Variants in TMEM114 observed in about 807,000 individuals in gnomAD.
TMEM114 encodes transmembrane protein 114, also known as claudin-26.
TMEM114 carries 6 observed loss-of-function variants against 6.2 expected under a neutral mutation model. The observed-to-expected ratio is 0.97, with a 90% CI of 0.53 to 1.91. TMEM114 has a LOEUF of 1.91. Ranked by LOEUF, TMEM114 falls within the 40% of genes most tolerant of loss-of-function variation. TMEM114 has a pLI of 0.01. For synonymous variants in TMEM114, 104 were observed against 73.0 expected, an observed-to-expected ratio of 1.42 and a Z score of -2.16; for missense variants, 218 against 158.3, an observed-to-expected ratio of 1.38 and a Z score of -2.02.
chr16:8,574,582 C>CTTCT (rs60193962), intron 2 of TMEM114, among the ~76,000 whole-genome samples: 1,608 of 142,546 alleles, frequency 0.011, 24 homozygotes, highest in African/African-American at 0.029. Context: ...TCCTTCCTTC[C>CTTCT]TTCTTTCTTT....
At chr16:8,553,610 C>G (rs1900913120) in intron 2 of TMEM114, among the ~76,000 whole-genome samples, 1 of 152,112 alleles carries the variant, frequency 6.6e-6, no homozygotes, top group Non-Finnish European at 1.5e-5. Flanking sequence ...CTCAGCCTCC[C>G]AAGTAGCTGG....
At chr16:8,528,895 T>G in the TMEM114 span, among the ~76,000 whole-genome samples, 5 of 152,200 alleles carry the variant, frequency 3.3e-5, no homozygotes, top group Non-Finnish European at 7.4e-5. Context: ...ATATTTTGCC[T>G]CTGGTCATTT....
At chr16:8,562,593 T>TGAGTGAATGAGTGAGTGAGG (rs1567202353) in intron 2 of TMEM114, among the ~76,000 whole-genome samples, 19 of 130,028 alleles carry the variant, frequency 1.5e-4, no homozygotes, top group Non-Finnish European at 1.8e-4. Flanking sequence ...AATAAGTAAG[T>TGAGTGAATGAGTGAGTGAGG]GAATGAGTGA....
intron 2 of TMEM114, among the ~76,000 whole-genome samples, chr16:8,579,810 A>G (rs534495430): frequency 2.6e-5 from 4 of 152,154 alleles, no homozygotes; most frequent in African/African-American, 9.7e-5. Context: ...CCAAGAGCCA[A>G]TGGCCATGAA....
rs1387594492 is a variant in TMEM114, at chr16:8,569,916, G to A, written c.529C>T (p.Leu177Phe). The change falls in exon 4 of 4, where the codon CTC (leucine) becomes TTC (phenylalanine). Residue 177 changes from leucine to phenylalanine, a missense_variant. Leu to Phe is a conservative substitution (Grantham distance 22). Coordinates refer to ENST00000620492, the MANE Select transcript of TMEM114 (RefSeq NM_001146336.2). Reference protein sequence around the residue: ...EALCLLEEKALLDQVDISFGW... With the variant: ...EALCLLEEKAFLDQVDISFGW... The stretch of plus-strand genomic sequence containing the variant: ...AAGCTGATGTCCACCTGGTCCAGGA[G>A]GGCCTTCTCCTCCAAGAGACACAGC... 1.9e-6 allele frequency: 3 copies of A among 1,551,082 alleles called. No individual in the cohort carries two copies. Among genetic ancestry groups the A allele is most frequent in the Non-Finnish European group, 2.6e-6 (3 of 1,146,972 alleles).
chr16:8,564,313 G>C (rs1312134060), intron 2 of TMEM114, among the ~76,000 whole-genome samples: 4 of 129,978 alleles, frequency 3.1e-5, no homozygotes, highest in African/African-American at 1.2e-4. Flanking sequence ...GATGAAATAA[G>C]TGAATGAGTG....
chr16:8,574,261 T>C (rs2141687700), intron 2 of TMEM114, among the ~76,000 whole-genome samples: 1 of 152,272 alleles, frequency 6.6e-6, no homozygotes, highest in South Asian at 2.1e-4. Flanking sequence ...CACAGAATTA[T>C]CATGAGAATA....
In TMEM114 at chr16:8,576,060, CG is replaced by C. The variant is rs1901915520; in HGVS notation, c.302-3837del. Among the ~76,000 whole-genome samples the C allele has an allele frequency of 4.6e-5, 7 of 152,258 alleles. No homozygotes were observed. The South Asian group carries it at 1.5e-3, about 32-fold the overall frequency. ...AATCTCTTGGAACTCCGACATCAGACGAGGTCATCTGAGACCACAATACAAT... is the reference window on the plus strand; with the variant it reads ...AATCTCTTGGAACTCCGACATCAGACAGGTCATCTGAGACCACAATACAAT... On this transcript the variant is annotated intron_variant, in intron 2 of 3. Transcript: ENST00000620492.
intron 2 of TMEM114, among the ~76,000 whole-genome samples, chr16:8,572,986 T>C (rs1030891250): frequency 2.0e-5 from 3 of 152,224 alleles, no homozygotes; most frequent in South Asian, 4.1e-4. Context: ...AAGGCTGGCT[T>C]CACTGACTGG....
In TMEM114 at chr16:8,572,163, C is replaced by T; in HGVS notation, c.363G>A (p.Gly121=). Reference sequence around the variant, plus strand: ...GGAGGAAGCTCAGAAACCCCGTCATCCCCCCAAAAACCATCAGGATCAGGC... The same window carrying T: ...GGAGGAAGCTCAGAAACCCCGTCATTCCCCCAAAAACCATCAGGATCAGGC... ...PLSLILMVFG[G]MTGFLSFLLQ... is the part of the protein sequence containing the mutation. Residue 121 remains glycine, a synonymous_variant, in exon 3 of 4, where the codon GGG becomes GGA. Coordinates refer to ENST00000620492, the MANE Select transcript of TMEM114 (RefSeq NM_001146336.2). The T allele has an allele frequency of 6.4e-7, 1 of 1,551,560 alleles. No homozygotes were observed. The highest frequency in any genetic ancestry group is 1.2e-5 in the South Asian group (1 of 84,048).
intron 2 of TMEM114, among the ~76,000 whole-genome samples, chr16:8,586,213 C>G (rs758004501): frequency 3.3e-5 from 5 of 152,222 alleles, no homozygotes; most frequent in Admixed American, 6.5e-5. Flanking sequence ...TTACTGAGCA[C>G]TTACCATATG....
chr16:8,551,501 A>T (rs1434935103), intron 2 of TMEM114, among the ~76,000 whole-genome samples: 2 of 152,224 alleles, frequency 1.3e-5, no homozygotes, highest in African/African-American at 4.8e-5. Flanking sequence ...CATAAGAAGA[A>T]AATTCCACAA....
intron 2 of TMEM114, among the ~76,000 whole-genome samples, chr16:8,551,085 T>G (rs1296470177): frequency 6.6e-6 from 1 of 152,356 alleles, no homozygotes; most frequent in Middle Eastern, 3.4e-3. Flanking sequence ...TACTGAGCTA[T>G]GGGTCTCCCA....
downstream of TMEM114, among the ~76,000 whole-genome samples, chr16:8,566,911 T>A (rs147872980): frequency 0.032 from 4,664 of 147,730 alleles, 129 homozygotes; most frequent in South Asian, 0.11. Flanking sequence ...TTTTTTTTTT[T>A]TTTTTTTGAG....
chr16:8,574,788 C>A (rs947163176), intron 2 of TMEM114, among the ~76,000 whole-genome samples: 4 of 152,110 alleles, frequency 2.6e-5, no homozygotes, highest in Non-Finnish European at 5.9e-5. Context: ...ATGTGAGTTT[C>A]CCAGTCGTGC....
At chr16:8,549,181 CAAAAAAAAAAAA>C (rs1216258524) in intron 2 of TMEM114, among the ~76,000 whole-genome samples, 1 of 49,312 alleles carries the variant, frequency 2.0e-5, no homozygotes, top group South Asian at 8.2e-4. Flanking sequence ...GACTCCATCT[CAAAAAAAAAAAA>C]AAAAAAAAAG....
intron 2 of TMEM114, among the ~76,000 whole-genome samples, chr16:8,560,620 C>T (rs1901168014): frequency 6.6e-6 from 1 of 152,194 alleles, no homozygotes; most frequent in African/African-American, 2.4e-5. Flanking sequence ...GTTCGAGTCT[C>T]ACCCTGGTTT....
At chr16:8,578,014 G>A (rs1902001064) in intron 2 of TMEM114, among the ~76,000 whole-genome samples, 1 of 152,162 alleles carries the variant, frequency 6.6e-6, no homozygotes, top group Non-Finnish European at 1.5e-5. Context: ...CTGCCCTCAT[G>A]GAGTTCACAG....
chr16:8,534,365 G>A (rs549965064), downstream of TMEM114, among the ~76,000 whole-genome samples: 1,316 of 129,454 alleles, frequency 0.01, 10 homozygotes, highest in Non-Finnish European at 0.017. Flanking sequence ...AAAAAAAAAG[G>A]AATTCTTCAT....
Sources: gnomAD v4.1 joint callset for allele counts (sites outside exome capture counted in the v4.1 genomes callset) on GRCh38, gnomAD v4.1.1 for gene constraint, MANE v1.5 for transcripts, NCBI Gene and HGNC (gene_info 2026-07-23, HGNC 2026-07-21) for gene names.